CHST11: variants seen among roughly 807,000 people sequenced by gnomAD.
CHST11 encodes carbohydrate sulfotransferase 11, also known as C4S-1.
Under a neutral mutation model 30.4 loss-of-function variants are expected in CHST11, and 9 were observed. The observed-to-expected ratio is 0.30, with a 90% CI of 0.18 to 0.52. The LOEUF is 0.52. Among genes scored for constraint, CHST11 ranks in the 20% least tolerant of loss-of-function variants. CHST11 has a pLI of 0.97. For missense variants in CHST11, 348 were observed against 460.6 expected (o/e 0.76, Z 2.24); for synonymous variants, 152 against 187.8 (o/e 0.81, Z 1.56).
intron 2 of CHST11, among the ~76,000 whole-genome samples, chr12:104,721,689 C>A (rs1273366807): frequency 1.3e-5 from 2 of 152,182 alleles, no homozygotes; most frequent in African/African-American, 4.8e-5. Context: ...TTCAGAGCCA[C>A]CTCAAAGAGA....
At chr12:104,561,484 C>T (rs1176886811) in intron 1 of CHST11, among the ~76,000 whole-genome samples, 1 of 152,180 alleles carries the variant, frequency 6.6e-6, no homozygotes, top group Non-Finnish European at 1.5e-5. Flanking sequence ...ACCAGCGTGC[C>T]TGACTCAGTT....
chr12:104,706,774 C>T (rs1251108693), intron 2 of CHST11, among the ~76,000 whole-genome samples: 1 of 152,156 alleles, frequency 6.6e-6, no homozygotes, highest in Non-Finnish European at 1.5e-5. Context: ...ACTCAGCTAT[C>T]TTCTGTCAGA....
At chr12:104,661,536 G>A (rs572115295) in intron 2 of CHST11, among the ~76,000 whole-genome samples, 1 of 152,234 alleles carries the variant, frequency 6.6e-6, no homozygotes, top group Admixed American at 6.5e-5. Context: ...CTATGATGGC[G>A]CTGCTGAACT....
At chr12:104,518,763 A>AAT (rs1445075807) in intron 1 of CHST11, among the ~76,000 whole-genome samples, 5 of 152,144 alleles carry the variant, frequency 3.3e-5, no homozygotes, top group Admixed American at 1.3e-4. Flanking sequence ...CTGCATAATG[A>AAT]ATATAGCATC....
At chr12:104,489,526 T>C (rs983651025) in intron 1 of CHST11, among the ~76,000 whole-genome samples, 1 of 152,138 alleles carries the variant, frequency 6.6e-6, no homozygotes, top group Non-Finnish European at 1.5e-5. Flanking sequence ...GTCGCCAGGC[T>C]GGAGTGCAGT....
chr12:104,549,672 G>A (rs191423674), intron 1 of CHST11, among the ~76,000 whole-genome samples: 414 of 152,252 alleles, frequency 2.7e-3, no homozygotes, highest in African/African-American at 9.7e-3. Context: ...TTGGAAGGCC[G>A]AGGCAGGAGG....
intron 2 of CHST11, among the ~76,000 whole-genome samples, chr12:104,735,927 C>A (rs2040296667): frequency 6.6e-6 from 1 of 152,164 alleles, no homozygotes; most frequent in South Asian, 2.1e-4. Flanking sequence ...GGATTGTCAG[C>A]AGCAGTCGAG....
intron 2 of CHST11, among the ~76,000 whole-genome samples, chr12:104,733,972 G>C (rs1392501880): frequency 6.6e-6 from 1 of 152,200 alleles, no homozygotes; most frequent in African/African-American, 2.4e-5. Flanking sequence ...GTGCCTGTGG[G>C]GGCTGCCCAG....
At chr12:104,627,310 A>AG (rs2039225829) in intron 2 of CHST11, among the ~76,000 whole-genome samples, 1 of 152,206 alleles carries the variant, frequency 6.6e-6, no homozygotes, top group Non-Finnish European at 1.5e-5. Flanking sequence ...ATCCATGCGC[A>AG]GGTTTTTTGT....
intron 1 of CHST11, among the ~76,000 whole-genome samples, chr12:104,580,837 C>T (rs2038735593): frequency 1.3e-5 from 2 of 152,178 alleles, no homozygotes; most frequent in African/African-American, 4.8e-5. Flanking sequence ...AGCAATCCTC[C>T]TGCCTTGGCT....
rs564650985 is a variant in CHST11, at chr12:104,469,716, G to T, written c.118+12187G>T. Among the ~76,000 whole-genome samples, 3 of 152,240 alleles carry T rather than the reference G, an allele frequency of 2.0e-5. No homozygotes were observed. The South Asian group carries it at 6.2e-4, about 32-fold the overall frequency. On this transcript the variant is annotated intron_variant, in intron 1 of 2. Coordinates refer to ENST00000303694, the MANE Select transcript of CHST11 (RefSeq NM_018413.6). ...TCTGTGGCTGGCATTTGTAGCTGGG[G>T]CACAGACCCATTTCCTCCCTTCTTC... is the stretch of plus-strand genomic sequence containing the variant.
At chr12:104,617,400 A>G (rs61938600) in intron 2 of CHST11, among the ~76,000 whole-genome samples, 2,711 of 152,266 alleles carry the variant, frequency 0.018, 51 homozygotes, top group Non-Finnish European at 0.029. Flanking sequence ...CCTTCAAAAG[A>G]CATTTTTAGG....
intron 2 of CHST11, among the ~76,000 whole-genome samples, chr12:104,678,036 C>A (rs115579395): frequency 6.6e-6 from 1 of 152,252 alleles, no homozygotes; most frequent in Non-Finnish European, 1.5e-5. Flanking sequence ...TCCAACCTTC[C>A]AGGCACTGCT....
intron 2 of CHST11, among the ~76,000 whole-genome samples, chr12:104,724,489 G>T (rs2040202229): frequency 6.6e-6 from 1 of 151,914 alleles, no homozygotes; most frequent in Non-Finnish European, 1.5e-5. Flanking sequence ...TTTTTAAAGG[G>T]GAGACTTCTG....
chr12:104,721,430 A>G (rs2040175559), intron 2 of CHST11, among the ~76,000 whole-genome samples: 1 of 152,194 alleles, frequency 6.6e-6, no homozygotes, highest in Non-Finnish European at 1.5e-5. Flanking sequence ...CTTTATGGGA[A>G]AGAGAGTCAG....
chr12:104,691,077 T>A (rs1338054028), intron 2 of CHST11, among the ~76,000 whole-genome samples: 3 of 152,146 alleles, frequency 2.0e-5, no homozygotes, highest in Non-Finnish European at 4.4e-5. Flanking sequence ...TCTCACCAGG[T>A]CTGGGGTCAA....
At chr12:104,671,277 G>T (rs1319964374) in intron 2 of CHST11, among the ~76,000 whole-genome samples, 1 of 152,194 alleles carries the variant, frequency 6.6e-6, no homozygotes, top group Non-Finnish European at 1.5e-5. Flanking sequence ...ATGGGGTGTG[G>T]GTGGTAGGGA....
At chr12:104,689,934 A>C (rs2039882081) in intron 2 of CHST11, among the ~76,000 whole-genome samples, 1 of 152,002 alleles carries the variant, frequency 6.6e-6, no homozygotes, top group Admixed American at 6.6e-5. Context: ...TTTTACTTAA[A>C]ACCACTACGC....
intron 1 of CHST11, among the ~76,000 whole-genome samples, chr12:104,562,181 A>G (rs1158188222): frequency 6.6e-6 from 1 of 152,018 alleles, no homozygotes; most frequent in Non-Finnish European, 1.5e-5. Context: ...TCCACCCGAA[A>G]TGGAATTGAT....
Sources: gnomAD v4.1 joint callset for allele counts (sites outside exome capture counted in the v4.1 genomes callset) on GRCh38, gnomAD v4.1.1 for gene constraint, MANE v1.5 for transcripts, NCBI Gene and HGNC (gene_info 2026-07-23, HGNC 2026-07-21) for gene names.